DPP10: variants seen among roughly 807,000 people sequenced by gnomAD.
DPP10 encodes dipeptidyl peptidase like 10, also known as inactive dipeptidyl peptidase 10.
In DPP10, 33 loss-of-function variants were observed where a neutral mutation model predicts 120.9. The ratio of observed to expected loss-of-function variants is 0.27; its 90% confidence interval spans 0.21 to 0.37. The LOEUF is 0.37. Ranked by LOEUF, DPP10 falls within the 10% of genes least tolerant of loss-of-function variation. The pLI is 1.00. For synonymous variants in DPP10, 337 were observed against 326.1 expected, an observed-to-expected ratio of 1.03 and a Z score of -0.36; for missense variants, 816 against 942.8, an observed-to-expected ratio of 0.87 and a Z score of 1.76.
intron 1 of DPP10, among the ~76,000 whole-genome samples, chr2:114,572,979 C>A (rs1443321374): frequency 1.3e-5 from 2 of 152,090 alleles, no homozygotes; most frequent in Non-Finnish European, 2.9e-5. Flanking sequence ...TTCATTTAGT[C>A]TTTGTTTGTT....
chr2:115,471,897 G>A (rs1313665976), intron 3 of DPP10, among the ~76,000 whole-genome samples: 2 of 152,012 alleles, frequency 1.3e-5, no homozygotes, highest in African/African-American at 2.4e-5. Context: ...AGGACTGCAG[G>A]TGTGAGCCAC....
intron 3 of DPP10, among the ~76,000 whole-genome samples, chr2:115,479,810 T>A (rs2075318580): frequency 1.3e-5 from 2 of 152,110 alleles, no homozygotes; most frequent in Admixed American, 1.3e-4. Flanking sequence ...TGGTAGAGAC[T>A]AGCTCCACTT....
chr2:114,468,429 A>G (rs1210964118), intron 1 of DPP10, among the ~76,000 whole-genome samples: 5 of 148,916 alleles, frequency 3.4e-5, no homozygotes, highest in Admixed American at 6.8e-5. Flanking sequence ...AAATTACAGG[A>G]TAAAAGATGA....
intron 1 of DPP10, among the ~76,000 whole-genome samples, chr2:114,778,063 A>G (rs1681918594): frequency 2.6e-5 from 4 of 152,148 alleles, no homozygotes; most frequent in African/African-American, 9.7e-5. Flanking sequence ...ATCATCTTAA[A>G]CATGTCCAAG....
intron 1 of DPP10, among the ~76,000 whole-genome samples, chr2:114,992,278 G>T (rs1700794431): frequency 6.6e-6 from 1 of 152,202 alleles, no homozygotes; most frequent in South Asian, 2.1e-4. Flanking sequence ...GTTTCGGCTG[G>T]TGTTTCTTAC....
intron 1 of DPP10, among the ~76,000 whole-genome samples, chr2:115,280,464 T>C (rs1361189887): frequency 6.6e-6 from 1 of 152,136 alleles, no homozygotes; most frequent in East Asian, 1.9e-4. Context: ...TAAGTAAATA[T>C]CAGTCCTATA....
chr2:115,584,434 A>G (rs1208017405), intron 5 of DPP10, among the ~76,000 whole-genome samples: 1 of 152,226 alleles, frequency 6.6e-6, no homozygotes, highest in Non-Finnish European at 1.5e-5. Context: ...GGGAGAAAGG[A>G]AAGAGGAGGA....
chr2:114,510,850 C>A (rs530806184), intron 1 of DPP10, among the ~76,000 whole-genome samples: 1 of 152,148 alleles, frequency 6.6e-6, no homozygotes, highest in East Asian at 1.9e-4. Flanking sequence ...AGTGAAGTGA[C>A]AATTGTACAC....
chr2:114,839,868 A>G (rs1183325317), intron 1 of DPP10, among the ~76,000 whole-genome samples: 1 of 152,248 alleles, frequency 6.6e-6, no homozygotes, highest in Non-Finnish European at 1.5e-5. Context: ...TACAAGATTT[A>G]AAGAACTATC....
At chr2:115,568,046 C>T (rs190834885) in intron 5 of DPP10, among the ~76,000 whole-genome samples, 7 of 152,220 alleles carry the variant, frequency 4.6e-5, no homozygotes, top group South Asian at 4.1e-4. Flanking sequence ...GGCATAGTGG[C>T]GCAAGCCTGT....
At chr2:114,522,511 C>G (rs1685156169) in intron 1 of DPP10, among the ~76,000 whole-genome samples, 1 of 152,094 alleles carries the variant, frequency 6.6e-6, no homozygotes, top group South Asian at 2.1e-4. Flanking sequence ...AAAAAACACT[C>G]TGGGAATTAT....
Position 115,766,817 on chromosome 2 carries a change from A to G in DPP10, c.1114-1480A>G, listed in dbSNP as rs568378181. Among the ~76,000 whole-genome samples, 3 of 152,258 alleles carry G rather than the reference A, an allele frequency of 2.0e-5. No individual in the cohort carries two copies. The South Asian group carries it at 6.2e-4, about 32-fold the overall frequency. ...AAGAAAGGGATGGGGGAGGTGTTAT[A>G]CACTTTTAAACAACCAGGTCTTGTA... On this transcript the variant is annotated intron_variant, in intron 12 of 25. Transcript: ENST00000410059.
intron 7 of DPP10, among the ~76,000 whole-genome samples, chr2:115,711,914 TG>T (rs144491320): frequency 0.34 from 18,089 of 52,480 alleles, 2,523 homozygotes; most frequent in South Asian, 0.44. Flanking sequence ...TAAAATGGTC[TG>T]GTTTTTTTTT....
intron 1 of DPP10, among the ~76,000 whole-genome samples, chr2:115,110,115 A>G (rs1052025435): frequency 6.6e-6 from 1 of 152,230 alleles, no homozygotes; most frequent in Admixed American, 6.5e-5. Context: ...AGTCAGGAAG[A>G]AAATAATAAT....
intron 1 of DPP10, among the ~76,000 whole-genome samples, chr2:115,251,823 A>T (rs866756002): frequency 6.6e-6 from 1 of 152,224 alleles, no homozygotes. Flanking sequence ...AGAAAAGTGT[A>T]TATTTATAAA....
At chr2:114,825,875 G>A (rs1176165336) in intron 1 of DPP10, among the ~76,000 whole-genome samples, 1 of 152,150 alleles carries the variant, frequency 6.6e-6, no homozygotes, top group Non-Finnish European at 1.5e-5. Context: ...AGCTTCTACT[G>A]GTGAGGGAGA....
chr2:114,944,694 T>G (rs1697217983), intron 1 of DPP10, among the ~76,000 whole-genome samples: 1 of 152,194 alleles, frequency 6.6e-6, no homozygotes, highest in Non-Finnish European at 1.5e-5. Context: ...GCTAAGGTTT[T>G]TACATTAGGC....
chr2:114,898,380 G>C (rs1437530287), intron 1 of DPP10, among the ~76,000 whole-genome samples: 5 of 152,076 alleles, frequency 3.3e-5, no homozygotes, highest in Admixed American at 2.0e-4. Context: ...GATAGCTTTA[G>C]GAGATATACC....
chr2:114,654,646 C>CT (rs906956180), intron 1 of DPP10, among the ~76,000 whole-genome samples: 4 of 151,674 alleles, frequency 2.6e-5, no homozygotes, highest in Non-Finnish European at 4.4e-5. Flanking sequence ...AAGATTATGA[C>CT]TTTTTTTTTC....
Sources: gnomAD v4.1 joint callset for allele counts (sites outside exome capture counted in the v4.1 genomes callset) on GRCh38, gnomAD v4.1.1 for gene constraint, MANE v1.5 for transcripts, NCBI Gene and HGNC (gene_info 2026-07-23, HGNC 2026-07-21) for gene names.